The following TMEM178B variants were observed in gnomAD, a reference collection of about 807,000 sequenced individuals.
The protein encoded by TMEM178B is transmembrane protein 178B.
A neutral mutation model predicts 31.0 loss-of-function variants in TMEM178B; 5 were observed. The ratio of observed to expected loss-of-function variants is 0.16; its 90% CI spans 0.08 to 0.34. The LOEUF (loss-of-function observed/expected upper bound fraction) is 0.34. TMEM178B is among the 10% of genes least tolerant of loss of function. TMEM178B has a pLI of 1.00. For missense variants in TMEM178B, 275 were observed against 400.3 expected, an observed-to-expected ratio of 0.69 and a Z score of 2.67; for synonymous variants, 164 against 164.0, an observed-to-expected ratio of 1.00 and a Z score of 0.00.
chr7:141,434,856 A>G (rs907775651), intron 2 of TMEM178B, among the ~76,000 whole-genome samples: 1 of 152,152 alleles, frequency 6.6e-6, no homozygotes, highest in Non-Finnish European at 1.5e-5. Flanking sequence ...AGAACATGCA[A>G]TATTTGTCTT....
intron 2 of TMEM178B, among the ~76,000 whole-genome samples, chr7:141,292,350 A>G (rs937480455): frequency 2.0e-5 from 3 of 152,118 alleles, no homozygotes; most frequent in Non-Finnish European, 4.4e-5. Flanking sequence ...ATATCTTCTC[A>G]CTGTCACCTT....
At chr7:141,326,893 G>A (rs988613416) in intron 2 of TMEM178B, among the ~76,000 whole-genome samples, 1 of 152,122 alleles carries the variant, frequency 6.6e-6, no homozygotes, top group Non-Finnish European at 1.5e-5. Context: ...TGTATCTACT[G>A]AGCCCTTGAT....
chr7:141,273,855 G>A (rs1052112989), intron 2 of TMEM178B, among the ~76,000 whole-genome samples: 1 of 152,168 alleles, frequency 6.6e-6, no homozygotes, highest in Non-Finnish European at 1.5e-5. Flanking sequence ...TGGGCATGTG[G>A]ACATATGTTT....
At chr7:141,177,142 A>G (rs939408353) in intron 1 of TMEM178B, among the ~76,000 whole-genome samples, 1 of 152,174 alleles carries the variant, frequency 6.6e-6, no homozygotes, top group Non-Finnish European at 1.5e-5. Flanking sequence ...AGATGCTGGT[A>G]TGTTGTGTCT....
rs138788814 is a variant in TMEM178B, at chr7:141,257,570, G to A, written c.496+44866G>A. 3.3e-5 allele frequency among the ~76,000 whole-genome samples: 5 copies of A among 152,188 alleles called. No homozygotes were observed. The East Asian group carries it at 7.7e-4, about 24-fold the overall frequency. On this transcript the variant is annotated intron_variant, in intron 2 of 3. Transcript: ENST00000565468. The stretch of plus-strand genomic sequence containing the variant: ...TCCTCAGATCACAGACTGCTTTCTA[G>A]GTATTCCCACTCTGACTGCAAAAAC...
At chr7:141,277,966 T>C (rs1005522825) in intron 2 of TMEM178B, among the ~76,000 whole-genome samples, 1 of 152,164 alleles carries the variant, frequency 6.6e-6, no homozygotes, top group South Asian at 2.1e-4. Context: ...AGATAAGATA[T>C]GAAGATATGA....
intron 2 of TMEM178B, among the ~76,000 whole-genome samples, chr7:141,341,304 G>C (rs1219939698): frequency 6.6e-6 from 1 of 152,166 alleles, no homozygotes; most frequent in African/African-American, 2.4e-5. Context: ...TCCACACTGT[G>C]CTACTTTAAC....
intron 2 of TMEM178B, among the ~76,000 whole-genome samples, chr7:141,408,278 G>C (rs1261130916): frequency 3.9e-5 from 6 of 152,228 alleles, no homozygotes; most frequent in Admixed American, 3.9e-4. Flanking sequence ...GGCAACATGA[G>C]GCCTCCTGAG....
At chr7:141,321,066 A>T (rs1799090616) in intron 2 of TMEM178B, among the ~76,000 whole-genome samples, 2 of 152,194 alleles carry the variant, frequency 1.3e-5, no homozygotes, top group Admixed American at 1.3e-4. Context: ...TGTTCCATGC[A>T]CACACTTCTT....
rs1440790451 is a variant in TMEM178B at position 141,450,315 on chromosome 7, A to G, written c.634+12570A>G. Among the ~76,000 whole-genome samples, 4 of 152,366 alleles carry G rather than the reference A, an allele frequency of 2.6e-5. No homozygotes were observed. The South Asian group carries it at 6.2e-4, about 24-fold the overall frequency. ...AATGCTTGTTATTCATGAAGTGGGCAACCAGTTGTTAAGTACCTACTACGT... is the reference window on the plus strand; with the variant it reads ...AATGCTTGTTATTCATGAAGTGGGCGACCAGTTGTTAAGTACCTACTACGT... On this transcript the variant is annotated intron_variant, in intron 3 of 3. Transcript: ENST00000565468.
At chr7:141,176,383 C>G (rs1172148223) in intron 1 of TMEM178B, among the ~76,000 whole-genome samples, 1 of 152,194 alleles carries the variant, frequency 6.6e-6, no homozygotes. Flanking sequence ...AGGATTTTCA[C>G]ATCGATGTTC....
At chr7:141,361,995 G>C (rs1799925528) in intron 2 of TMEM178B, among the ~76,000 whole-genome samples, 1 of 152,230 alleles carries the variant, frequency 6.6e-6, no homozygotes, top group African/African-American at 2.4e-5. Context: ...AAGGGAAGGT[G>C]ATAAGGTTGA....
intron 1 of TMEM178B, among the ~76,000 whole-genome samples, chr7:141,199,426 C>A (rs1224840508): frequency 2.0e-5 from 3 of 152,206 alleles, no homozygotes; most frequent in Non-Finnish European, 4.4e-5. Flanking sequence ...AATGATAAGG[C>A]AGAGGAATGG....
intron 1 of TMEM178B, among the ~76,000 whole-genome samples, chr7:141,081,994 C>T (rs1586757697): frequency 6.6e-6 from 1 of 152,210 alleles, no homozygotes; most frequent in East Asian, 1.9e-4. Flanking sequence ...AACACAAATA[C>T]TTACCATTGT....
At chr7:141,094,348 A>C (rs1188789745) in intron 1 of TMEM178B, among the ~76,000 whole-genome samples, 1 of 152,198 alleles carries the variant, frequency 6.6e-6, no homozygotes. Context: ...TTTAGAAGAG[A>C]GTTTCTATAG....
intron 2 of TMEM178B, among the ~76,000 whole-genome samples, chr7:141,324,287 A>G (rs1442281008): frequency 6.6e-6 from 1 of 152,098 alleles, no homozygotes; most frequent in African/African-American, 2.4e-5. Flanking sequence ...AGGTAGCAGA[A>G]TGTAGCAGCC....
At chr7:141,241,897 A>G (rs1300990287) in intron 2 of TMEM178B, among the ~76,000 whole-genome samples, 1 of 152,214 alleles carries the variant, frequency 6.6e-6, no homozygotes, top group Non-Finnish European at 1.5e-5. Flanking sequence ...TGTAAAATTT[A>G]TCGAGAGATC....
Position 141,141,517 on chromosome 7 carries a change from A to C in TMEM178B, c.382+66825A>C, listed in dbSNP as rs141243744. ...GATTCTTTCATCCATAGCTTAAATTATACAGTATGTTATGATTCATTTGCT... is the reference window on the plus strand; with the variant it reads ...GATTCTTTCATCCATAGCTTAAATTCTACAGTATGTTATGATTCATTTGCT... On this transcript the variant is annotated intron_variant, in intron 1 of 3. Transcript: ENST00000565468. Among the ~76,000 whole-genome samples the C allele has an allele frequency of 2.6e-3, 403 of 152,268 alleles. 5 individuals are homozygous for C. The highest frequency in any genetic ancestry group is 9.1e-3 in the African/African-American group (377 of 41,542).
chr7:141,318,087 A>G lies in TMEM178B; in HGVS notation c.496+105383A>G, dbSNP rs1799037076. Among the ~76,000 whole-genome samples, 1 of 152,244 alleles carries G rather than the reference A, an allele frequency of 6.6e-6. No homozygotes were observed. Among genetic ancestry groups the G allele is most frequent in the African/African-American group, 2.4e-5 (1 of 41,456 alleles). ...ATTATTGAATAAGCTTTCTTTTCAGATCTTGTGGTAATGACTGCAGTATAA... is the reference window on the plus strand; with the variant it reads ...ATTATTGAATAAGCTTTCTTTTCAGGTCTTGTGGTAATGACTGCAGTATAA... On this transcript the variant is annotated intron_variant, in intron 2 of 3. Transcript: ENST00000565468. The surrounding 1 kb of genome is among the most constrained non-coding windows in gnomAD (Gnocchi z 4.1).
Sources: allele counts gnomAD v4.1 joint callset (sites outside exome capture counted in the v4.1 genomes callset), GRCh38; gene constraint gnomAD v4.1.1; non-coding constraint Gnocchi (gnomAD v3.1); transcripts MANE v1.5; gene names NCBI Gene and HGNC (gene_info 2026-07-23, HGNC 2026-07-21).